STX12: variants seen among roughly 807,000 people sequenced by gnomAD.
STX12 encodes syntaxin 12.
STX12 carries 17 observed loss-of-function variants against 42.2 expected under a neutral mutation model. The ratio of observed to expected loss-of-function variants is 0.40; its 90% confidence interval spans 0.28 to 0.60. The LOEUF is 0.60. STX12 is among the 20% of genes least tolerant of loss of function. The pLI is 0.39. For missense variants in STX12, 297 were observed against 330.9 expected, an observed-to-expected ratio of 0.90 and a Z score of 0.79; for synonymous variants, 108 against 116.7, an observed-to-expected ratio of 0.93 and a Z score of 0.48.
intron 1 of STX12, chr1:27,773,708 G>T (rs917857590): frequency 5.2e-5 from 19 of 366,328 alleles, no homozygotes; most frequent in Non-Finnish European, 9.4e-5. Context: ...GTGGGAAGGG[G>T]AGTGTGTGTC....
chr1:27,775,154 A>G (rs2088620793), intron 1 of STX12, among the ~76,000 whole-genome samples: 2 of 152,226 alleles, frequency 1.3e-5, no homozygotes, highest in African/African-American at 4.8e-5. Flanking sequence ...TAATTTTAAT[A>G]TCTATTTGCG....
intron 1 of STX12, among the ~76,000 whole-genome samples, chr1:27,782,572 T>C (rs1158477302): frequency 2.0e-5 from 3 of 151,882 alleles, no homozygotes; most frequent in Non-Finnish European, 4.4e-5. Context: ...ACACGGTGAC[T>C]CACACCTGTA....
Position 27,779,790 on chromosome 1 carries a change from C to CT in STX12, c.118+6376dup, listed in dbSNP as rs540382809. Among the ~76,000 whole-genome samples the CT allele has an allele frequency of 7.2e-3, 1,057 of 145,808 alleles. 10 individuals are homozygous for CT. The highest frequency in any genetic ancestry group is 0.033 in the Admixed American group (484 of 14,560). On this transcript the variant is annotated intron_variant, in intron 1 of 8. Transcript: ENST00000373943. The stretch of plus-strand genomic sequence containing the variant: ...TTATATTTTGCTCATTTGGTTCCTC[C>CT]TTTTTTTTTTTAGAGAAAGAGAGTT...
intron 4 of STX12, among the ~76,000 whole-genome samples, chr1:27,806,148 C>T (rs762479092): frequency 6.6e-6 from 1 of 152,130 alleles, no homozygotes; most frequent in Non-Finnish European, 1.5e-5. Context: ...GAAACTCTTA[C>T]AATGGTAGAT....
chr1:27,815,298 T>C (rs890143617), intron 6 of STX12, among the ~76,000 whole-genome samples: 2 of 152,144 alleles, frequency 1.3e-5, no homozygotes, highest in African/African-American at 2.4e-5. Context: ...CAGGGTATAA[T>C]GGATCATTTC....
intron 2 of STX12, among the ~76,000 whole-genome samples, chr1:27,792,174 A>G (rs1160464754): frequency 8.0e-6 from 1 of 125,422 alleles, no homozygotes; most frequent in Non-Finnish European, 1.5e-5. Flanking sequence ...ATGTATATAC[A>G]TATATATGTA....
chr1:27,805,139 A>G (rs2088855110), intron 4 of STX12, among the ~76,000 whole-genome samples: 1 of 152,172 alleles, frequency 6.6e-6, no homozygotes, highest in Non-Finnish European at 1.5e-5. Context: ...GGGGATTATT[A>G]CAATTCAAGG....
chr1:27,822,416 A>G lies in STX12; in HGVS notation c.*87A>G, dbSNP rs2088991139. 1.2e-6 allele frequency: 1 copy of G among 830,878 alleles called. No individual in the cohort carries two copies. Among genetic ancestry groups the G allele is most frequent in the African/African-American group, 1.7e-5 (1 of 59,790 alleles). 51.5% of individuals were successfully genotyped at this position (830,878 alleles called of 1,614,324 possible). On this transcript the variant is annotated 3_prime_UTR_variant, in exon 9 of 9. Transcript: ENST00000373943. ...CAGAACAAACTGATCACAAGAAGAC[A>G]GCATATATCAGAACGTCCTGTAATC...
intron 2 of STX12, 141 bp downstream of exon 2, chr1:27,789,772 GA>G: frequency 3.2e-6 from 2 of 616,114 alleles, no homozygotes; most frequent in Non-Finnish European, 5.8e-6. Flanking sequence ...GGATCTAAAA[GA>G]GGGGCGGGGC....
Position 27,817,872 on chromosome 1 carries a change from C to A in STX12, c.598C>A (p.Gln200Lys). Residue 200 changes from glutamine to lysine, a missense_variant, in exon 7 of 9, where the codon CAG (glutamine) becomes AAG (lysine). Transcript: ENST00000373943. ...TTAGGCTGACATTTTGGATGTCAATCAGATATTTAAAGATTTGGCCATGAT... is the reference window on the plus strand; with the variant it reads ...TTAGGCTGACATTTTGGATGTCAATAAGATATTTAAAGATTTGGCCATGAT... ...QLEADILDVN[Q>K]IFKDLAMMIH... 6.2e-7 allele frequency: 1 copy of A among 1,613,926 alleles called. No individual in the cohort carries two copies. Among genetic ancestry groups the A allele is most frequent in the Non-Finnish European group, 8.5e-7 (1 of 1,179,976 alleles).
rs2088996044 is a variant in STX12 at position 27,823,143 on chromosome 1, G to A, written c.*814G>A. On this transcript the variant is annotated 3_prime_UTR_variant, in exon 9 of 9. Coordinates refer to ENST00000373943, the MANE Select transcript of STX12 (RefSeq NM_177424.3). ...TGGAAAAGCAAATAGGAATTGTTGG[G>A]AATGATTTAATCTTGTTGTTGTTGT... 6.6e-6 allele frequency: 1 copy of A among 152,220 alleles called. No individual in the cohort carries two copies. The highest frequency in any genetic ancestry group is 2.4e-5 in the African/African-American group (1 of 41,448). The allele number at this position is 152,220 out of a possible 1,614,324, so 9.4% of individuals were successfully genotyped here.
chr1:27,801,447 C>G (rs561374347), intron 3 of STX12, among the ~76,000 whole-genome samples: 1 of 151,922 alleles, frequency 6.6e-6, no homozygotes, highest in African/African-American at 2.4e-5. Flanking sequence ...TAAATGCAAC[C>G]CAGTTCCAGG....
intron 3 of STX12, 85 bp downstream of exon 3, chr1:27,793,717 T>A: frequency 9.2e-7 from 1 of 1,083,312 alleles, no homozygotes; most frequent in South Asian, 1.4e-5. Context: ...AAAAATAAGT[T>A]GGCCTTTGGT....
rs2089006420 is a variant in STX12, at chr1:27,824,324, T to G, written c.*1995T>G. On this transcript the variant is annotated 3_prime_UTR_variant, in exon 9 of 9. Transcript: ENST00000373943. ...TCTGTAATACTGTGTGACCTGTGGT[T>G]GTTGTAATGGTGATCATGGAGAGCA... The G allele has an allele frequency of 1.3e-5, 2 of 152,206 alleles. No homozygotes were observed. The highest frequency in any genetic ancestry group is 2.1e-4 in the South Asian group (1 of 4,834). The allele number at this position is 152,206 out of a possible 1,614,324, so 9.4% of individuals were successfully genotyped here.
At chr1:27,789,788 A>G (rs2088726132) in intron 2 of STX12, among the ~76,000 whole-genome samples, 157 bp downstream of exon 2, 1 of 152,202 alleles carries the variant, frequency 6.6e-6, no homozygotes, top group Non-Finnish European at 1.5e-5. Flanking sequence ...CGGGGCAACA[A>G]AGTATATTAA....
Position 27,773,399 on chromosome 1 carries a change from G to T in STX12, c.92G>T (p.Gly31Val). 6.2e-7 allele frequency: 1 copy of T among 1,613,614 alleles called. No individual in the cohort carries two copies. The highest frequency in any genetic ancestry group is 8.5e-7 in the Non-Finnish European group (1 of 1,179,790). ...DFSSIIQTCS[G>V]NIQRISQATA... is the part of the protein sequence containing the mutation. ...AGCAGCATCATCCAGACGTGCAGCG[G>T]CAACATCCAGCGGATCAGCCAAGCC... The change falls in exon 1 of 9, where the codon GGC becomes GTC. Residue 31 changes from glycine to valine, a missense_variant. By Grantham distance (109) the Gly-to-Val change is moderately radical. Transcript: ENST00000373943.
At chr1:27,792,903 A>AT (rs2088758799) in intron 2 of STX12, among the ~76,000 whole-genome samples, 1 of 152,194 alleles carries the variant, frequency 6.6e-6, no homozygotes, top group Non-Finnish European at 1.5e-5. Flanking sequence ...TTCCTCTTCA[A>AT]TTCCCCTTCC....
At chr1:27,781,562 A>T (rs2088668236) in intron 1 of STX12, among the ~76,000 whole-genome samples, 1 of 152,186 alleles carries the variant, frequency 6.6e-6, no homozygotes, top group Admixed American at 6.6e-5. Context: ...AAATGAGATA[A>T]TTCATCTACA....
At chr1:27,793,095 C>T (rs1016749424) in intron 2 of STX12, among the ~76,000 whole-genome samples, 5 of 152,206 alleles carry the variant, frequency 3.3e-5, no homozygotes, top group East Asian at 3.8e-4. Flanking sequence ...TAGGAAGCTA[C>T]GCTTTTAATG....
Sources: gnomAD v4.1 joint callset for allele counts (sites outside exome capture counted in the v4.1 genomes callset) on GRCh38, gnomAD v4.1.1 for gene constraint, MANE v1.5 for transcripts, NCBI Gene and HGNC (gene_info 2026-07-23, HGNC 2026-07-21) for gene names.